The following PALD1 variants were observed in gnomAD, a reference collection of about 807,000 sequenced individuals.
PALD1 encodes the protein paladin.
PALD1 carries 57 observed loss-of-function variants against 96.0 expected under a neutral mutation model. The ratio of observed to expected loss-of-function variants is 0.59; its 90% CI spans 0.48 to 0.74. PALD1 has a LOEUF of 0.74. PALD1 is among the 30% of genes least tolerant of loss of function. The probability of loss-of-function intolerance (pLI) is 0.00; values close to 1 mark genes in which losing one functional copy is unlikely to be tolerated. For missense variants in PALD1, 1,063 were observed against 1,143.7 expected, an observed-to-expected ratio of 0.93 and a Z score of 1.02; for synonymous variants, 464 against 473.6, an observed-to-expected ratio of 0.98 and a Z score of 0.26.
Position 70,564,360 on chromosome 10 carries a change from C to T in PALD1, c.2263-4C>T. ...CACTGACCCCACCCTGTCCTGTCCTCCAGGCGAAGGCAGCGAAAGAGGCGC... is the reference window on the plus strand; with the variant it reads ...CACTGACCCCACCCTGTCCTGTCCTTCAGGCGAAGGCAGCGAAAGAGGCGC... On this transcript the variant is annotated splice_region_variant and splice_polypyrimidine_tract_variant and intron_variant, in intron 18 of 19. Transcript: ENST00000263563. 6.2e-7 allele frequency: 1 copy of T among 1,611,382 alleles called. No homozygotes were observed. The highest frequency in any genetic ancestry group is 2.2e-5 in the East Asian group (1 of 44,884).
chr10:70,487,490 A>C (rs1009481188), intron 1 of PALD1, among the ~76,000 whole-genome samples: 2 of 151,584 alleles, frequency 1.3e-5, no homozygotes, highest in Admixed American at 1.3e-4. Context: ...CCTATCTTCA[A>C]TGTTTTTTTT....
chr10:70,526,630 T>A (rs114189200), intron 2 of PALD1, among the ~76,000 whole-genome samples: 353 of 152,282 alleles, frequency 2.3e-3, no homozygotes, highest in African/African-American at 7.1e-3. Context: ...TCTGGTGTTC[T>A]GAGATCTGTA....
At chr10:70,484,439 C>A (rs1845983360) in intron 1 of PALD1, among the ~76,000 whole-genome samples, 2 of 152,116 alleles carry the variant, frequency 1.3e-5, no homozygotes, top group Admixed American at 1.3e-4. Flanking sequence ...TCAAAGAATA[C>A]AACCAAAATT....
At chr10:70,521,795 A>G (rs758012626) in intron 1 of PALD1, among the ~76,000 whole-genome samples, 68 of 151,846 alleles carry the variant, frequency 4.5e-4, no homozygotes, top group Non-Finnish European at 9.3e-4. Flanking sequence ...TGGCCTTCCA[A>G]AGTGCTAGGA....
chr10:70,534,709 C>G, intron 9 of PALD1, 30 bp from the exon 10 acceptor site: 1 of 1,477,372 alleles, frequency 6.8e-7, no homozygotes. Context: ...CCCCCACCTC[C>G]CTCTTACTTG....
intron 18 of PALD1, 27 bp downstream of exon 18, chr10:70,547,473 C>T (rs1847392882): frequency 6.8e-7 from 1 of 1,477,042 alleles, no homozygotes; most frequent in South Asian, 1.3e-5. Flanking sequence ...CCCCACCCCA[C>T]CCTGCCCCAG....
chr10:70,489,297 CT>C (rs533235691), intron 1 of PALD1, among the ~76,000 whole-genome samples: 358 of 152,310 alleles, frequency 2.4e-3, no homozygotes, highest in African/African-American at 8.3e-3. Flanking sequence ...CCCAGGTGCT[CT>C]GAGTCTTATG....
At chr10:70,532,152 A>G (rs1847006693) in intron 5 of PALD1, among the ~76,000 whole-genome samples, 1 of 152,062 alleles carries the variant, frequency 6.6e-6, no homozygotes, top group South Asian at 2.1e-4. Flanking sequence ...CTCCTCCTCC[A>G]TAACACAGAG....
chr10:70,553,781 C>G lies in PALD1; in HGVS notation c.2262+6335C>G, dbSNP rs574137656. ...CGGGCGGAGGCACCATTTCACCTCT[C>G]CCTGCCCACCTTGAGCCCTGCTGCA... On this transcript the variant is annotated intron_variant, in intron 18 of 19. Transcript: ENST00000263563. 1.2e-3 allele frequency among the ~76,000 whole-genome samples: 185 copies of G among 152,312 alleles called. 1 individual carries two copies. Among genetic ancestry groups the G allele is most frequent in the African/African-American group, 4.3e-3 (178 of 41,562 alleles).
In PALD1 at chr10:70,500,787, C is replaced by T. The variant is rs957532195; in HGVS notation, c.-30+21728C>T. Among the ~76,000 whole-genome samples the T allele has an allele frequency of 3.9e-5, 6 of 152,246 alleles. No individual in the cohort carries two copies. In the South Asian group the frequency reaches 8.3e-4, roughly 21 times the overall value. ...AAGCTTGGACTCTCTTGCTCTGGTCCGTGTGGAGTTGGCTGGAGCCGGTGC... is the reference window on the plus strand; with the variant it reads ...AAGCTTGGACTCTCTTGCTCTGGTCTGTGTGGAGTTGGCTGGAGCCGGTGC... On this transcript the variant is annotated intron_variant, in intron 1 of 19. Transcript: ENST00000263563.
At chr10:70,497,737 G>T (rs12573788) in intron 1 of PALD1, among the ~76,000 whole-genome samples, 57,078 of 147,950 alleles carry the variant, frequency 0.39, 11,265 homozygotes, top group Non-Finnish European at 0.43. Flanking sequence ...TGGCTAATTT[G>T]TGTGTGTGTG....
At chr10:70,495,806 G>A (rs1160117310) in intron 1 of PALD1, among the ~76,000 whole-genome samples, 1 of 151,310 alleles carries the variant, frequency 6.6e-6, no homozygotes, top group Non-Finnish European at 1.5e-5. Context: ...GGAGTTTGAG[G>A]GGAGCCTGGG....
At position 70,539,331 on chromosome 10, in the gene PALD1, C is replaced by T; in HGVS notation, c.1725+84C>T. On this transcript the variant is annotated intron_variant, in intron 14 of 19. Coordinates refer to ENST00000263563, the MANE Select transcript of PALD1 (RefSeq NM_014431.3). This position sits in a 1 kb window ranked among gnomAD's most constrained non-coding sequence, Gnocchi z 4.5. ...GAGGGTCTTCAGAAGGCCTCACACT[C>T]CCGCAGACAGATGGAGAATCTGAGG... The T allele has an allele frequency of 7.4e-7, 1 of 1,355,848 alleles. No individual in the cohort carries two copies. Among genetic ancestry groups the T allele is most frequent in the Non-Finnish European group, 1.0e-6 (1 of 1,004,962 alleles). 84.0% of individuals were successfully genotyped at this position (1,355,848 alleles called of 1,614,324 possible).
intron 1 of PALD1, among the ~76,000 whole-genome samples, chr10:70,520,153 G>A (rs978422732): frequency 6.6e-6 from 1 of 152,124 alleles, no homozygotes; most frequent in Non-Finnish European, 1.5e-5. Flanking sequence ...GACGGGGTGG[G>A]CGTAGTGGCT....
At position 70,529,226 on chromosome 10, in the gene PALD1, C is replaced by CCA. The variant is rs1554858409; in HGVS notation, c.186-3_186-2insCA. The CCA allele has an allele frequency of 6.5e-6, 2 of 308,416 alleles. No homozygotes were observed. The highest frequency in any genetic ancestry group is 3.8e-5 in the African/African-American group (1 of 26,248). 19.1% of individuals were successfully genotyped at this position (308,416 alleles called of 1,614,324 possible). A position where few individuals can be genotyped will look rare whatever the true frequency, so the allele number is the denominator to read the frequency against. ...CCATTCTGCCCCCCCCCCCCCCCCCCAGGTACAACTGCAAGGAGGAGTTCC... is the reference window on the plus strand; with the variant it reads ...CCATTCTGCCCCCCCCCCCCCCCCCCCAAGGTACAACTGCAAGGAGGAGTTCC... On this transcript the variant is annotated splice_region_variant and splice_polypyrimidine_tract_variant and intron_variant, in intron 2 of 19. Transcript: ENST00000263563.
the PALD1 span, among the ~76,000 whole-genome samples, chr10:70,463,784 G>A: frequency 6.6e-6 from 1 of 152,048 alleles, no homozygotes; most frequent in Non-Finnish European, 1.5e-5. Flanking sequence ...GACAGGAAAG[G>A]CCTCTCCAAG....
At chr10:70,552,180 T>G (rs1313711387) in intron 18 of PALD1, among the ~76,000 whole-genome samples, 2 of 152,158 alleles carry the variant, frequency 1.3e-5, no homozygotes, top group Non-Finnish European at 2.9e-5. Flanking sequence ...AGAGGCAAAA[T>G]TAAGCAACAG....
At chr10:70,504,251 G>A (rs911869265) in intron 1 of PALD1, among the ~76,000 whole-genome samples, 1 of 152,260 alleles carries the variant, frequency 6.6e-6, no homozygotes, top group African/African-American at 2.4e-5. Flanking sequence ...TTTCGGCTGG[G>A]CATGGTGGCT....
chr10:70,523,388 C>T (rs1466647106), intron 1 of PALD1, among the ~76,000 whole-genome samples: 2 of 152,178 alleles, frequency 1.3e-5, no homozygotes, highest in Non-Finnish European at 2.9e-5. Context: ...GGGAGAGCTG[C>T]CCTGAGCCCT....
Sources: allele counts gnomAD v4.1 joint callset (sites outside exome capture counted in the v4.1 genomes callset), GRCh38; gene constraint gnomAD v4.1.1; non-coding constraint Gnocchi (gnomAD v3.1); transcripts MANE v1.5; gene names NCBI Gene and HGNC (gene_info 2026-07-23, HGNC 2026-07-21).